GRIA4: variants seen among roughly 807,000 people sequenced by gnomAD.
GRIA4 encodes the protein glutamate ionotropic receptor AMPA type subunit 4.
A neutral mutation model predicts 104.0 loss-of-function variants in GRIA4; 34 were observed. The ratio of observed to expected loss-of-function variants is 0.33; its 90% CI spans 0.25 to 0.44. The LOEUF is 0.44. Among genes scored for constraint, GRIA4 ranks in the 20% least tolerant of loss-of-function variants. GRIA4 has a pLI of 1.00. For missense variants in GRIA4, 750 were observed against 1,096.5 expected (o/e 0.68, Z 4.46); for synonymous variants, 386 against 381.9 (o/e 1.01, Z -0.13).
intron 4 of GRIA4, among the ~76,000 whole-genome samples, chr11:105,757,515 T>A (rs944310602): frequency 6.6e-6 from 1 of 151,964 alleles, no homozygotes; most frequent in African/African-American, 2.4e-5. Flanking sequence ...AATGAAGAAA[T>A]CCTAGAGATG....
intron 10 of GRIA4, among the ~76,000 whole-genome samples, 159 bp downstream of exon 10, chr11:105,910,704 T>G (rs930403988): frequency 5.3e-5 from 8 of 152,170 alleles, no homozygotes; most frequent in Non-Finnish European, 7.4e-5. Context: ...AGGTTCATCC[T>G]AAGCTTCGAG....
intron 4 of GRIA4, among the ~76,000 whole-genome samples, chr11:105,764,893 C>T (rs1228954505): frequency 6.6e-6 from 1 of 152,076 alleles, no homozygotes; most frequent in South Asian, 2.1e-4. Flanking sequence ...TGTCTAAAAA[C>T]ATGGGAACAA....
chr11:105,684,875 AC>A (rs1247507205), intron 3 of GRIA4, among the ~76,000 whole-genome samples: 8 of 151,770 alleles, frequency 5.3e-5, no homozygotes, highest in Non-Finnish European at 1.2e-4. Flanking sequence ...ATCCTGCCTT[AC>A]TAACTTACAT....
chr11:105,862,497 C>T (rs577501127), intron 5 of GRIA4: 6 of 215,490 alleles, frequency 2.8e-5, no homozygotes, highest in South Asian at 2.3e-4. Context: ...CTCCAGTTTT[C>T]GAAAATATTA....
intron 3 of GRIA4, among the ~76,000 whole-genome samples, chr11:105,736,539 GTATA>G (rs759721485): frequency 6.6e-6 from 1 of 151,812 alleles, no homozygotes; most frequent in Non-Finnish European, 1.5e-5. Flanking sequence ...TCCTTGTATA[GTATA>G]TATATAGTAT....
intron 4 of GRIA4, among the ~76,000 whole-genome samples, chr11:105,791,419 T>C (rs1942210596): frequency 6.6e-6 from 1 of 152,212 alleles, no homozygotes; most frequent in African/African-American, 2.4e-5. Context: ...TCTATAGAGT[T>C]GTAAATGTTT....
chr11:105,913,417 A>C (rs998298206), intron 10 of GRIA4: 1 of 442,932 alleles, frequency 2.3e-6, no homozygotes, highest in Non-Finnish European at 3.0e-6. Context: ...AGCAAAATCT[A>C]ATAGAAAATA....
At chr11:105,948,158 T>C (rs745353350) in intron 14 of GRIA4, among the ~76,000 whole-genome samples, 1 of 152,216 alleles carries the variant, frequency 6.6e-6, no homozygotes. Context: ...TTTACTCAAG[T>C]GTCTTCTCTA....
chr11:105,633,966 G>A (rs1049634256), intron 3 of GRIA4, among the ~76,000 whole-genome samples: 1 of 152,090 alleles, frequency 6.6e-6, no homozygotes, highest in Admixed American at 6.6e-5. Flanking sequence ...GACATTAGGC[G>A]GGTTACTCAA....
intron 13 of GRIA4, among the ~76,000 whole-genome samples, chr11:105,930,172 T>C (rs1947832116): frequency 1.3e-5 from 2 of 152,086 alleles, no homozygotes; most frequent in Non-Finnish European, 2.9e-5. Context: ...TTTATGAATA[T>C]TTGCTTGTCC....
rs185913125 is a variant in GRIA4 at position 105,740,501 on chromosome 11, A to G, written c.248-12480A>G. On this transcript the variant is annotated intron_variant, in intron 3 of 16. Coordinates refer to ENST00000282499, the MANE Select transcript of GRIA4 (RefSeq NM_000829.4). ...TTTCCATGTGCCAACTTTAGGGGCTAGGGATATGTCAGTGAAAAACAATCC... is the reference window on the plus strand; with the variant it reads ...TTTCCATGTGCCAACTTTAGGGGCTGGGGATATGTCAGTGAAAAACAATCC... Among the ~76,000 whole-genome samples the G allele has an allele frequency of 3.9e-5, 6 of 152,372 alleles. No homozygotes were observed. In the East Asian group the frequency reaches 1.2e-3, roughly 29 times the overall value.
At chr11:105,958,879 G>A (rs952360047) in intron 14 of GRIA4, among the ~76,000 whole-genome samples, 4 of 152,150 alleles carry the variant, frequency 2.6e-5, no homozygotes, top group African/African-American at 9.7e-5. Context: ...AGCTTAGTTT[G>A]GCTGGATATG....
At chr11:105,868,945 T>A (rs1388686974) in intron 5 of GRIA4, among the ~76,000 whole-genome samples, 1 of 152,152 alleles carries the variant, frequency 6.6e-6, no homozygotes, top group African/African-American at 2.4e-5. Context: ...AATATTACTA[T>A]TTAGCAGAAC....
At chr11:105,643,110 C>G (rs1327476823) in intron 3 of GRIA4, among the ~76,000 whole-genome samples, 1 of 152,086 alleles carries the variant, frequency 6.6e-6, no homozygotes, top group East Asian at 1.9e-4. Context: ...ATTCAACTAC[C>G]AACTACTGAG....
intron 3 of GRIA4, among the ~76,000 whole-genome samples, chr11:105,731,210 G>T (rs964357202): frequency 6.6e-6 from 1 of 152,070 alleles, no homozygotes; most frequent in South Asian, 2.1e-4. Flanking sequence ...ATCAAAAATG[G>T]GCAAAATATA....
chr11:105,924,237 T>C (rs191832093), intron 11 of GRIA4, among the ~76,000 whole-genome samples, 162 bp from the exon 12 acceptor site: 18 of 152,300 alleles, frequency 1.2e-4, no homozygotes, highest in Admixed American at 3.9e-4. Context: ...AAAAAATTAT[T>C]ATTCATGTTT....
At chr11:105,922,801 C>T (rs1179169699) in intron 11 of GRIA4, among the ~76,000 whole-genome samples, 1 of 151,974 alleles carries the variant, frequency 6.6e-6, no homozygotes, top group Non-Finnish European at 1.5e-5. Flanking sequence ...GAAAAGATAA[C>T]ATTTCCTAAT....
At chr11:105,777,887 T>G (rs545389206) in intron 4 of GRIA4, among the ~76,000 whole-genome samples, 1 of 152,204 alleles carries the variant, frequency 6.6e-6, no homozygotes, top group African/African-American at 2.4e-5. Flanking sequence ...TGTTCAAGAA[T>G]GCAGAGACCT....
At chr11:105,652,657 A>G (rs1951716646) in intron 3 of GRIA4, among the ~76,000 whole-genome samples, 1 of 152,072 alleles carries the variant, frequency 6.6e-6, no homozygotes, top group African/African-American at 2.4e-5. Flanking sequence ...TTTTTATGAC[A>G]ATATTTTATG....
Sources: gnomAD v4.1 joint callset for allele counts (sites outside exome capture counted in the v4.1 genomes callset) on GRCh38, gnomAD v4.1.1 for gene constraint, MANE v1.5 for transcripts, NCBI Gene and HGNC (gene_info 2026-07-23, HGNC 2026-07-21) for gene names.